Variants in ITGA5 observed in about 807,000 individuals in gnomAD.
ITGA5 encodes the protein integrin alpha-5.
Under a neutral mutation model 146.3 loss-of-function variants are expected in ITGA5, and 55 were observed. The observed-to-expected ratio is 0.38, with a 90% CI of 0.30 to 0.47. The LOEUF is 0.47. Ranked by LOEUF, ITGA5 falls within the 20% of genes least tolerant of loss-of-function variation. The probability of loss-of-function intolerance (pLI) is 0.99; values close to 1 mark genes in which losing one functional copy is unlikely to be tolerated. For synonymous variants in ITGA5, 500 were observed against 531.8 expected (o/e 0.94, Z 0.82); for missense variants, 1,131 against 1,329.0 (o/e 0.85, Z 2.32).
In ITGA5 at chr12:54,401,100, A is replaced by G. The variant is rs1359017345; in HGVS notation, c.2494-105T>C. On this transcript the variant is annotated intron_variant, in intron 24 of 29. Coordinates refer to ENST00000293379, the MANE Select transcript of ITGA5 (RefSeq NM_002205.5). The surrounding 1 kb of genome is among the most constrained non-coding windows in gnomAD (Gnocchi z 5.0). ...CACTATACCCTGCTGTCAGGCTCCT[A>G]TCTCAGAGATGAAGCAGGGAAGCAA... 4.2e-6 allele frequency: 5 copies of G among 1,185,884 alleles called. No homozygotes were observed. The highest frequency in any genetic ancestry group is 2.4e-5 in the Admixed American group (1 of 41,172). The allele number at this position is 1,185,884 out of a possible 1,614,324, so 73.5% of individuals were successfully genotyped here.
In ITGA5 at chr12:54,405,184, C is replaced by T; in HGVS notation, c.1207G>A (p.Asp403Asn). The T allele has an allele frequency of 1.2e-6, 2 of 1,605,006 alleles. No individual in the cohort carries two copies. The highest frequency in any genetic ancestry group is 1.7e-6 in the Non-Finnish European group (2 of 1,173,904). ...GSSLTPLGDL[D>N]QDGYNDVAIG... ...TACTCACCATTGTAGCCATCCTGGT[C>T]CAGGTCCCCCAGGGGGGTCAAGGAG... Residue 403 changes from aspartate to asparagine, a missense_variant, in exon 12 of 30, where the codon GAC becomes AAC. Asp to Asn is a conservative substitution (Grantham distance 23). Coordinates refer to ENST00000293379, the MANE Select transcript of ITGA5 (RefSeq NM_002205.5).
At chr12:54,396,441 C>T (rs1955711752) in intron 29 of ITGA5, 65 bp from the exon 30 acceptor site, 4 of 1,323,900 alleles carry the variant, frequency 3.0e-6, no homozygotes, top group Non-Finnish European at 4.3e-6. Context: ...AGCTCTTATT[C>T]CAAGAAGTAA....
intron 27 of ITGA5, 117 bp from the exon 28 acceptor site, chr12:54,398,815 GTCTCTCTCTC>G (rs1159083862): frequency 2.3e-6 from 1 of 443,250 alleles, no homozygotes; most frequent in Non-Finnish European, 4.0e-6. Flanking sequence ...TTCTTCCTGA[GTCTCTCTCTC>G]TCTCTCTCTC....
At position 54,403,130 on chromosome 12, in the gene ITGA5, C is replaced by A. The variant is rs556453295; in HGVS notation, c.1914+57G>T. The A allele has an allele frequency of 4.4e-6, 7 of 1,596,876 alleles. No individual in the cohort carries two copies. The Admixed American group carries it at 5.2e-5, about 12-fold the overall frequency. ...GGCTCTTCTCTTTCCATGGCCCTGC[C>A]CCCCCAATACCCAGGCCTCTGTCTT... On this transcript the variant is annotated intron_variant, in intron 18 of 29. Coordinates refer to ENST00000293379, the MANE Select transcript of ITGA5 (RefSeq NM_002205.5). This position sits in a 1 kb window ranked among gnomAD's most constrained non-coding sequence, Gnocchi z 4.9.
chr12:54,399,638 C>A lies in ITGA5; in HGVS notation c.2841+7G>T. On this transcript the variant is annotated splice_region_variant and intron_variant, in intron 27 of 29. Coordinates refer to ENST00000293379, the MANE Select transcript of ITGA5 (RefSeq NM_002205.5). ...CAGGGGTCAGGGCTGAGGTAAGGCTCCCTCACCTGCAAGAAAGTCTTGGCC... is the reference window on the plus strand; with the variant it reads ...CAGGGGTCAGGGCTGAGGTAAGGCTACCTCACCTGCAAGAAAGTCTTGGCC... The A allele has an allele frequency of 6.3e-7, 1 of 1,598,554 alleles. No homozygotes were observed. Among genetic ancestry groups the A allele is most frequent in the Non-Finnish European group, 8.6e-7 (1 of 1,165,748 alleles).
chr12:54,397,259 G>A, intron 29 of ITGA5, 106 bp downstream of exon 29: 1 of 1,239,076 alleles, frequency 8.1e-7, no homozygotes, highest in Non-Finnish European at 1.2e-6. Flanking sequence ...AGAGGTGGGG[G>A]CACATGGCTG....
Position 54,405,872 on chromosome 12 carries a change from G to A in ITGA5, c.961C>T (p.Gln321Ter). Residue 321 changes from glutamine (Q) to a stop codon, truncating the protein, a stop_gained and splice_region_variant, in exon 10 of 30, where the codon CAG (glutamine) becomes TAG (stop). Transcript: ENST00000293379. LOFTEE classifies it high-confidence loss of function. ...GTGGGGTTGAGGGGTATCCTTACCT[G>A]TTCCCCTGAGAAGTTGTAGAGGGAT... is the stretch of plus-strand genomic sequence containing the variant. ...IRSLYNFSGE[Q>*]MASYFGYAVA... 6.2e-7 allele frequency: 1 copy of A among 1,613,690 alleles called. No individual in the cohort carries two copies. The highest frequency in any genetic ancestry group is 8.5e-7 in the Non-Finnish European group (1 of 1,179,640).
intron 9 of ITGA5, 22 bp from the exon 10 acceptor site, chr12:54,405,948 C>T (rs370152249): frequency 1.2e-6 from 2 of 1,607,896 alleles, no homozygotes; most frequent in Non-Finnish European, 1.7e-6. Context: ...AGAGATAGGC[C>T]CATTGGTCCT....
At chr12:54,400,715 T>A in intron 25 of ITGA5, 131 bp downstream of exon 25, 1 of 852,124 alleles carries the variant, frequency 1.2e-6, no homozygotes, top group South Asian at 1.8e-5. Context: ...ACTTTGGGCC[T>A]TGTGACCCTC....
At chr12:54,414,596 CA>C (rs1955982389) in intron 1 of ITGA5, among the ~76,000 whole-genome samples, 2 of 152,080 alleles carry the variant, frequency 1.3e-5, no homozygotes, top group Admixed American at 1.3e-4. Flanking sequence ...CCTGTAATCC[CA>C]GCACTTTGGG....
intron 1 of ITGA5, among the ~76,000 whole-genome samples, chr12:54,417,010 G>A (rs1054231121): frequency 2.6e-5 from 4 of 152,122 alleles, no homozygotes; most frequent in African/African-American, 9.7e-5. Context: ...GGTGGGAGGA[G>A]GTCACTGGGG....
Position 54,405,156 on chromosome 12 carries a change from TG to T in ITGA5, c.1225+9del, listed in dbSNP as rs1168147264. The T allele has an allele frequency of 1.4e-5, 22 of 1,573,690 alleles. No homozygotes were observed. The highest frequency in any genetic ancestry group is 1.9e-5 in the Non-Finnish European group (22 of 1,155,790). On this transcript the variant is annotated intron_variant, in intron 12 of 29. Transcript: ENST00000293379. The stretch of plus-strand genomic sequence containing the variant: ...CCTCCTCTTTCACTCTCTGAGCCCA[TG>T]GTACTCACCATTGTAGCCATCCTGG...
intron 13 of ITGA5, 42 bp downstream of exon 13, chr12:54,404,661 C>T: frequency 6.4e-7 from 1 of 1,570,772 alleles, no homozygotes; most frequent in Non-Finnish European, 8.8e-7. Context: ...GGTCAGTGAC[C>T]AGGGAATTTT....
chr12:54,411,420 G>A (rs1047468772), intron 2 of ITGA5, among the ~76,000 whole-genome samples: 5 of 152,232 alleles, frequency 3.3e-5, no homozygotes, highest in African/African-American at 1.2e-4. Flanking sequence ...CTCAGACCTT[G>A]AGCTCCTTGA....
At chr12:54,410,102 G>A (rs533508217) in intron 2 of ITGA5, among the ~76,000 whole-genome samples, 1 of 151,732 alleles carries the variant, frequency 6.6e-6, no homozygotes, top group African/African-American at 2.4e-5. Flanking sequence ...TGACCTGCCC[G>A]CCTCAGCCTC....
In ITGA5 at chr12:54,403,065, A is replaced by T. The variant is rs1208809544; in HGVS notation, c.1915-15T>A. 2 of 1,613,942 alleles carry T rather than the reference A, an allele frequency of 1.2e-6. No individual in the cohort carries two copies. Among genetic ancestry groups the T allele is most frequent in the Non-Finnish European group, 1.7e-6 (2 of 1,179,946 alleles). On this transcript the variant is annotated splice_polypyrimidine_tract_variant and intron_variant, in intron 18 of 29. Transcript: ENST00000293379. This position sits in a 1 kb window ranked among gnomAD's most constrained non-coding sequence, Gnocchi z 4.9. The stretch of plus-strand genomic sequence containing the variant: ...AAGATCTGAGCCTGGGGAGCAGGGC[A>T]GCCTTGAGAGGGGAAGTTTAGACCC...
chr12:54,396,400 A>C (rs1490996842), intron 29 of ITGA5, 24 bp from the exon 30 acceptor site: 1 of 1,576,664 alleles, frequency 6.3e-7, no homozygotes, highest in Non-Finnish European at 8.7e-7. Flanking sequence ...AAAGAGGGAG[A>C]GTTTAGGTAC....
chr12:54,416,695 C>T lies in ITGA5; in HGVS notation c.218+2286G>A, dbSNP rs1464154791. On this transcript the variant is annotated intron_variant, in intron 1 of 29. Transcript: ENST00000293379. The surrounding 1 kb of genome is among the most constrained non-coding windows in gnomAD (Gnocchi z 4.1). The stretch of plus-strand genomic sequence containing the variant: ...CCTCAGAACTCCGTTAGTCAGGTGT[C>T]TGATTTTCACGGGAAGACCAGGCTC... 6.6e-6 allele frequency among the ~76,000 whole-genome samples: 1 copy of T among 152,192 alleles called. No homozygotes were observed.
Position 54,419,235 on chromosome 12 carries a change from G to A in ITGA5, c.-37C>T. 2 of 1,546,456 alleles carry A rather than the reference G, an allele frequency of 1.3e-6. No homozygotes were observed. The highest frequency in any genetic ancestry group is 1.7e-6 in the Non-Finnish European group (2 of 1,146,228). ...TTCCCTGTCCTGGGGCCACCGACCC[G>A]GAGCCGCTTCCTAAACCTCCCAGAG... On this transcript the variant is annotated 5_prime_UTR_variant, in exon 1 of 30. Coordinates refer to ENST00000293379, the MANE Select transcript of ITGA5 (RefSeq NM_002205.5).
Sources: allele counts gnomAD v4.1 joint callset (sites outside exome capture counted in the v4.1 genomes callset), GRCh38; gene constraint gnomAD v4.1.1; non-coding constraint Gnocchi (gnomAD v3.1); transcripts MANE v1.5; gene names NCBI Gene and HGNC (gene_info 2026-07-23, HGNC 2026-07-21).